Variants in CAST observed in about 807,000 individuals in gnomAD.
CAST encodes the protein calpastatin, also known as MIR583 host.
A neutral mutation model predicts 119.6 loss-of-function variants in CAST; 76 were observed. The ratio of observed to expected loss-of-function variants is 0.64; its 90% confidence interval spans 0.53 to 0.77. The LOEUF (loss-of-function observed/expected upper bound fraction) is 0.77. CAST is among the 30% of genes least tolerant of loss of function. CAST has a pLI of 0.00. For missense variants in CAST, 953 were observed against 946.5 expected (o/e 1.01, Z -0.09); for synonymous variants, 319 against 331.6 (o/e 0.96, Z 0.41).
chr5:96,207,247 A>G, the CAST span, among the ~76,000 whole-genome samples: 1 of 152,064 alleles, frequency 6.6e-6, no homozygotes, highest in South Asian at 2.1e-4. Flanking sequence ...TCATTTGCAA[A>G]CAGAGATAGT....
the CAST span, among the ~76,000 whole-genome samples, chr5:95,999,252 G>A: frequency 1.3e-5 from 2 of 151,886 alleles, no homozygotes; most frequent in South Asian, 2.1e-4. Flanking sequence ...TTTGTGTCTG[G>A]CTTGTTTTGC....
At chr5:96,263,156 A>G in the CAST span, among the ~76,000 whole-genome samples, 1 of 152,204 alleles carries the variant, frequency 6.6e-6, no homozygotes, top group Admixed American at 6.5e-5. Flanking sequence ...GGGCGTCAGT[A>G]TATTTTAAAA....
chr5:96,108,639 G>A, the CAST span, among the ~76,000 whole-genome samples: 1 of 152,246 alleles, frequency 6.6e-6, no homozygotes, highest in African/African-American at 2.4e-5. Flanking sequence ...CTGTCAGACA[G>A]GGACATTTAA....
chr5:96,707,738 C>T (rs771041988), intron 3 of CAST, among the ~76,000 whole-genome samples: 28 of 152,046 alleles, frequency 1.8e-4, no homozygotes, highest in African/African-American at 4.1e-4. Context: ...TCAAAGTTGC[C>T]GTAACAGATT....
At chr5:96,622,048 C>A (rs1376688237) in intron 1 of CAST, among the ~76,000 whole-genome samples, 1 of 143,858 alleles carries the variant, frequency 7.0e-6, no homozygotes, top group Non-Finnish European at 1.5e-5. Flanking sequence ...CGGCTCACTG[C>A]AACCTCTGCT....
At chr5:96,763,315 T>G in intron 25 of CAST, 1 of 775,730 alleles carries the variant, frequency 1.3e-6, no homozygotes, top group South Asian at 1.3e-5. Context: ...TGGATTATAA[T>G]AAAGCACTTA....
At chr5:96,308,792 AAAC>A in the CAST span, 1 of 152,872 alleles carries the variant, frequency 6.5e-6, no homozygotes, top group African/African-American at 2.4e-5. Flanking sequence ...GGACGCTGCA[AAAC>A]AACAAAGATT....
chr5:96,617,095 A>G (rs113827415), intron 1 of CAST, among the ~76,000 whole-genome samples: 8 of 152,186 alleles, frequency 5.3e-5, no homozygotes, highest in African/African-American at 1.9e-4. Context: ...GAATCACTTT[A>G]TAAAATAAAG....
chr5:96,415,975 T>G, the CAST span: 1 of 1,043,808 alleles, frequency 9.6e-7, no homozygotes, highest in Non-Finnish European at 1.5e-6. Context: ...CCATTTACAA[T>G]GGGTGATGTA....
In CAST at chr5:96,762,374, T is replaced by C. The variant is rs767324514; in HGVS notation, c.1932+2T>C. 6.3e-7 allele frequency: 1 copy of C among 1,581,482 alleles called. No homozygotes were observed. Among genetic ancestry groups the C allele is most frequent in the Non-Finnish European group, 8.6e-7 (1 of 1,167,926 alleles). On this transcript the variant is annotated splice_donor_variant, in intron 25 of 31. Coordinates refer to ENST00000675179, the MANE Select transcript of CAST (RefSeq NM_001750.7). LOFTEE classifies it high-confidence loss of function. The stretch of plus-strand genomic sequence containing the variant: ...GGAGCCCCACCCCGTGATACCTCGG[T>C]AAGCAGCACATCTTATTTGGGAGAT...
chr5:96,425,040 GAAAGAAAGAAAGAA>G, the CAST span, among the ~76,000 whole-genome samples: 19 of 140,324 alleles, frequency 1.4e-4, no homozygotes, highest in South Asian at 4.0e-3. Flanking sequence ...AAGAAAGAAA[GAAAGAAAGAAAGAA>G]AGAAAGAAAG....
chr5:96,443,404 G>A, the CAST span, among the ~76,000 whole-genome samples: 1 of 152,158 alleles, frequency 6.6e-6, no homozygotes, highest in Non-Finnish European at 1.5e-5. Flanking sequence ...AATGTTAACA[G>A]TTTCTACATC....
At chr5:96,603,830 T>A (rs990044947) in intron 1 of CAST, among the ~76,000 whole-genome samples, 12 of 141,344 alleles carry the variant, frequency 8.5e-5, no homozygotes, top group African/African-American at 3.1e-4. Flanking sequence ...AGTGGCATGA[T>A]CATGGCTCAC....
chr5:96,657,597 A>G (rs1206093125), upstream of CAST, among the ~76,000 whole-genome samples: 3 of 152,260 alleles, frequency 2.0e-5, no homozygotes, highest in Non-Finnish European at 2.9e-5. Context: ...AGACAGAAAT[A>G]GCACATTAAA....
the CAST span, among the ~76,000 whole-genome samples, chr5:96,290,013 T>A: frequency 7.9e-5 from 12 of 152,324 alleles, no homozygotes; most frequent in Non-Finnish European, 2.9e-5. Flanking sequence ...TTTATATAGA[T>A]GAAAGTAATG....
intron 19 of CAST, among the ~76,000 whole-genome samples, chr5:96,749,726 C>T (rs2150570986): frequency 6.6e-6 from 1 of 152,170 alleles, no homozygotes; most frequent in Non-Finnish European, 1.5e-5. Context: ...TTTGTATTTT[C>T]TGCAGAGCTG....
the CAST span, among the ~76,000 whole-genome samples, chr5:96,495,844 AAATT>A: frequency 6.6e-6 from 1 of 152,220 alleles, no homozygotes; most frequent in Non-Finnish European, 1.5e-5. Flanking sequence ...GAAGATTTGA[AAATT>A]AATTAAAATA....
the CAST span, among the ~76,000 whole-genome samples, chr5:96,290,096 C>T: frequency 0.025 from 3,767 of 152,212 alleles, 166 homozygotes; most frequent in African/African-American, 0.086. Context: ...ATTTTGGTCA[C>T]GAGTCCAAAA....
the CAST span, among the ~76,000 whole-genome samples, chr5:96,194,906 A>G: frequency 1.3e-5 from 2 of 152,204 alleles, no homozygotes; most frequent in African/African-American, 4.8e-5. Context: ...GTGGAGAGGA[A>G]AGCCTTGGAA....
Sources: allele counts gnomAD v4.1 joint callset (sites outside exome capture counted in the v4.1 genomes callset), GRCh38; gene constraint gnomAD v4.1.1; transcripts MANE v1.5; gene names NCBI Gene and HGNC (gene_info 2026-07-23, HGNC 2026-07-21).